The following PPARGC1A variants were observed in gnomAD, a reference collection of about 807,000 sequenced individuals.
The protein encoded by PPARGC1A is peroxisome proliferator-activated receptor gamma coactivator 1-alpha.
Under a neutral mutation model 88.7 loss-of-function variants are expected in PPARGC1A, and 25 were observed. That is an observed-to-expected ratio of 0.28 (90% confidence interval 0.21 to 0.39). The LOEUF (loss-of-function observed/expected upper bound fraction) is 0.39. Ranked by LOEUF, PPARGC1A falls within the 10% of genes least tolerant of loss-of-function variation. The pLI is 1.00. For missense variants in PPARGC1A, 880 were observed against 968.7 expected, an observed-to-expected ratio of 0.91 and a Z score of 1.22; for synonymous variants, 363 against 355.6, an observed-to-expected ratio of 1.02 and a Z score of -0.24.
At chr4:24,428,958 A>G in the PPARGC1A span, among the ~76,000 whole-genome samples, 1 of 152,178 alleles carries the variant, frequency 6.6e-6, no homozygotes, top group Non-Finnish European at 1.5e-5. Flanking sequence ...TCTGGAAGTG[A>G]TGAGAGACCC....
In PPARGC1A at chr4:23,795,004, A is replaced by G. The variant is rs1342844932; in HGVS notation, c.*818T>C. The stretch of plus-strand genomic sequence containing the variant: ...GAAACTTTAGCATTCTGGTGCCCGC[A>G]GTATCCTCTCCCACCCAGATTCCAT... On this transcript the variant is annotated 3_prime_UTR_variant, in exon 13 of 13. Transcript: ENST00000264867. The G allele has an allele frequency of 6.6e-6, 1 of 151,848 alleles. No individual in the cohort carries two copies. Among genetic ancestry groups the G allele is most frequent in the Non-Finnish European group, 1.5e-5 (1 of 67,882 alleles). 9.4% of individuals were successfully genotyped at this position (151,848 alleles called of 1,614,324 possible).
At chr4:24,021,405 T>C in the PPARGC1A span, among the ~76,000 whole-genome samples, 29 of 152,218 alleles carry the variant, frequency 1.9e-4, no homozygotes, top group Non-Finnish European at 3.5e-4. Flanking sequence ...ATATGTTTAT[T>C]CATTCCTTCC....
chr4:24,103,120 A>G, the PPARGC1A span, among the ~76,000 whole-genome samples: 1 of 152,100 alleles, frequency 6.6e-6, no homozygotes, highest in African/African-American at 2.4e-5. Flanking sequence ...ATTCTGCATG[A>G]TATCACCATC....
the PPARGC1A span, among the ~76,000 whole-genome samples, chr4:24,407,111 G>A: frequency 6.6e-6 from 1 of 152,072 alleles, no homozygotes; most frequent in Non-Finnish European, 1.5e-5. Context: ...TGAAGCTCCG[G>A]AGGCCTCCAA....
the PPARGC1A span, among the ~76,000 whole-genome samples, chr4:24,441,930 C>A: frequency 6.6e-6 from 1 of 152,220 alleles, no homozygotes; most frequent in Non-Finnish European, 1.5e-5. Context: ...TCAGTAGCAT[C>A]AGAATGAAAA....
the PPARGC1A span, among the ~76,000 whole-genome samples, chr4:24,380,684 GA>G: frequency 3.3e-5 from 5 of 151,930 alleles, no homozygotes; most frequent in Non-Finnish European, 7.4e-5. Flanking sequence ...GAAACAGAAA[GA>G]AAAAAAGTTC....
At chr4:24,431,984 T>C in the PPARGC1A span, among the ~76,000 whole-genome samples, 1 of 152,094 alleles carries the variant, frequency 6.6e-6, no homozygotes, top group East Asian at 1.9e-4. Context: ...TTCAATAACA[T>C]GTTAGGATAA....
chr4:24,245,706 T>A, the PPARGC1A span, among the ~76,000 whole-genome samples: 3 of 152,232 alleles, frequency 2.0e-5, no homozygotes, highest in African/African-American at 7.2e-5. Context: ...AGACCCAGCT[T>A]GGCAGCTCAA....
the PPARGC1A span, among the ~76,000 whole-genome samples, chr4:24,073,869 G>A: frequency 6.6e-6 from 1 of 152,174 alleles, no homozygotes; most frequent in Non-Finnish European, 1.5e-5. Context: ...GTGTGTCTCA[G>A]TGTGTGAAAT....
At chr4:24,011,928 T>C in the PPARGC1A span, among the ~76,000 whole-genome samples, 1 of 152,230 alleles carries the variant, frequency 6.6e-6, no homozygotes, top group Admixed American at 6.5e-5. Flanking sequence ...ACAAGCGTTA[T>C]AATTTACATT....
At chr4:24,470,780 G>A in the PPARGC1A span, among the ~76,000 whole-genome samples, 1 of 151,518 alleles carries the variant, frequency 6.6e-6, no homozygotes, top group East Asian at 2.0e-4. The surrounding 1 kb of genome is among the most constrained non-coding windows in gnomAD (Gnocchi z 5.8). Context: ...TGCTGCCGCG[G>A]CGGCGGGAGC....
the PPARGC1A span, among the ~76,000 whole-genome samples, chr4:24,386,860 T>C: frequency 0.19 from 29,221 of 152,084 alleles, 2,868 homozygotes; most frequent in East Asian, 0.31. Flanking sequence ...CAAGCTACCA[T>C]TGACTTTCTT....
chr4:24,231,860 A>C, the PPARGC1A span, among the ~76,000 whole-genome samples: 2 of 152,210 alleles, frequency 1.3e-5, no homozygotes, highest in South Asian at 4.1e-4. Context: ...ACAAAGACCT[A>C]GATAGTAACC....
At chr4:24,014,679 C>G in the PPARGC1A span, among the ~76,000 whole-genome samples, 4 of 152,212 alleles carry the variant, frequency 2.6e-5, no homozygotes, top group Admixed American at 6.5e-5. Flanking sequence ...TCATAGGCAG[C>G]TCACAATATA....
Position 23,825,967 on chromosome 4 carries a change from C to T in PPARGC1A, c.758-1459G>A, listed in dbSNP as rs190216017. Among the ~76,000 whole-genome samples, 48 of 152,248 alleles carry T rather than the reference C, an allele frequency of 3.2e-4. 2 individuals carry two copies. Among genetic ancestry groups the T allele is most frequent in the Middle Eastern group, 3.4e-3 (1 of 294 alleles). On this transcript the variant is annotated intron_variant, in intron 5 of 12. Transcript: ENST00000264867. ...ATAATTAGGATAATTCATACAACTT[C>T]CATAGAAAATATAACCAGATATTAG...
the PPARGC1A span, among the ~76,000 whole-genome samples, chr4:24,230,833 A>G: frequency 6.6e-6 from 1 of 151,980 alleles, no homozygotes; most frequent in Non-Finnish European, 1.5e-5. Flanking sequence ...TCAAAGGATG[A>G]TGTAGAAAAT....
At chr4:24,036,782 G>A in the PPARGC1A span, among the ~76,000 whole-genome samples, 1 of 152,230 alleles carries the variant, frequency 6.6e-6, no homozygotes, top group Admixed American at 6.5e-5. Flanking sequence ...GCATGTTGGA[G>A]ATATTATGTA....
At chr4:24,387,264 T>C in the PPARGC1A span, among the ~76,000 whole-genome samples, 3 of 152,092 alleles carry the variant, frequency 2.0e-5, no homozygotes, top group African/African-American at 7.2e-5. Context: ...AAGACTTAAA[T>C]GTAAGACCTA....
the PPARGC1A span, among the ~76,000 whole-genome samples, chr4:24,424,346 G>C: frequency 5.4e-5 from 7 of 129,016 alleles, 1 homozygote; most frequent in African/African-American, 1.8e-4. Context: ...AGCGATCTCG[G>C]CTCACTGCAA....
Sources: gnomAD v4.1 joint callset for allele counts (sites outside exome capture counted in the v4.1 genomes callset) on GRCh38, gnomAD v4.1.1 for gene constraint, Gnocchi (gnomAD v3.1) non-coding constraint, MANE v1.5 for transcripts, NCBI Gene and HGNC (gene_info 2026-07-23, HGNC 2026-07-21) for gene names.